The following FSIP1 variants were observed in gnomAD, a reference collection of about 807,000 sequenced individuals.
The protein encoded by FSIP1 is fibrous sheath interacting protein 1.
FSIP1 carries 65 observed loss-of-function variants against 60.9 expected under a neutral mutation model. The ratio of observed to expected loss-of-function variants is 1.07; its 90% CI spans 0.87 to 1.31. The LOEUF is 1.31. Ranked by LOEUF, FSIP1 falls within the 40% of genes most tolerant of loss-of-function variation. The pLI is 0.00. For missense variants in FSIP1, 675 were observed against 665.5 expected (o/e 1.01, Z -0.16); for synonymous variants, 209 against 221.2 (o/e 0.94, Z 0.49).
intron 11 of FSIP1, chr15:39,602,271 G>A (rs1233708301): frequency 8.8e-6 from 4 of 453,968 alleles, no homozygotes; most frequent in Middle Eastern, 3.4e-4. Flanking sequence ...CTGGAGTGAC[G>A]TGGCCACAAA....
chr15:39,604,640 C>G (rs933406513), intron 11 of FSIP1, among the ~76,000 whole-genome samples: 6 of 152,056 alleles, frequency 3.9e-5, no homozygotes, highest in Non-Finnish European at 7.4e-5. Context: ...GATATTTTGA[C>G]CAAATAAACT....
intron 10 of FSIP1, among the ~76,000 whole-genome samples, chr15:39,687,470 G>A (rs936490901): frequency 3.3e-5 from 5 of 152,132 alleles, no homozygotes; most frequent in Admixed American, 3.3e-4. Context: ...TTTCTAAACT[G>A]ACTGAGGCAA....
At chr15:39,721,270 C>A (rs935007248) in intron 9 of FSIP1, among the ~76,000 whole-genome samples, 10 of 152,196 alleles carry the variant, frequency 6.6e-5, no homozygotes, top group Non-Finnish European at 1.3e-4. Context: ...CTTATAGTTA[C>A]CATACAGAGA....
chr15:39,767,966 T>C lies in FSIP1; in HGVS notation c.311-2220A>G, dbSNP rs761694294. Reference sequence around the variant, plus strand: ...CTTGTCATAAGGCAGAGGGTCTCATTGAGCTGATTAACACAAGCCGCCAGC... The same window carrying C: ...CTTGTCATAAGGCAGAGGGTCTCATCGAGCTGATTAACACAAGCCGCCAGC... On this transcript the variant is annotated intron_variant, in intron 3 of 11. Coordinates refer to ENST00000350221, the MANE Select transcript of FSIP1 (RefSeq NM_152597.5). Among the ~76,000 whole-genome samples the C allele has an allele frequency of 9.2e-5, 14 of 152,290 alleles. No individual in the cohort carries two copies. The East Asian group carries it at 2.7e-3, about 29-fold the overall frequency.
chr15:39,768,206 G>A (rs2140714213), intron 3 of FSIP1, among the ~76,000 whole-genome samples: 1 of 152,292 alleles, frequency 6.6e-6, no homozygotes, highest in South Asian at 2.1e-4. Context: ...AGGGCGATAA[G>A]GGAAATCTCC....
At chr15:39,634,856 G>A (rs1892062870) in intron 10 of FSIP1, among the ~76,000 whole-genome samples, 1 of 152,072 alleles carries the variant, frequency 6.6e-6, no homozygotes, top group African/African-American at 2.4e-5. Flanking sequence ...TTACTCCCAG[G>A]ATCCTATGAG....
chr15:39,601,183 G>C (rs889978847), intron 11 of FSIP1, among the ~76,000 whole-genome samples: 1 of 152,190 alleles, frequency 6.6e-6, no homozygotes, highest in African/African-American at 2.4e-5. Flanking sequence ...AATGATTATG[G>C]ATGTGGAGAC....
chr15:39,765,219 C>A (rs1358700035), intron 4 of FSIP1, among the ~76,000 whole-genome samples: 2 of 150,108 alleles, frequency 1.3e-5, no homozygotes, highest in African/African-American at 4.9e-5. Context: ...GATTTTCTTA[C>A]TCATCTTAGA....
chr15:39,749,822 A>G lies in FSIP1; in HGVS notation c.560-7922T>C, dbSNP rs545917925. 1.1e-4 allele frequency among the ~76,000 whole-genome samples: 17 copies of G among 152,178 alleles called. No homozygotes were observed. In the South Asian group the frequency reaches 3.5e-3, roughly 32 times the overall value. On this transcript the variant is annotated intron_variant, in intron 5 of 11. Coordinates refer to ENST00000350221, the MANE Select transcript of FSIP1 (RefSeq NM_152597.5). ...GAAGGACCAGCAAGAGCAATCTGAC[A>G]AGGAAAAGAAATAATAGGCATCCAA...
intron 10 of FSIP1, among the ~76,000 whole-genome samples, chr15:39,684,581 G>A (rs1894290809): frequency 6.6e-6 from 1 of 152,188 alleles, no homozygotes; most frequent in Non-Finnish European, 1.5e-5. Flanking sequence ...AGAGAAAGCT[G>A]CTTTAAAAAT....
chr15:39,756,888 T>C (rs1034726804), intron 5 of FSIP1, among the ~76,000 whole-genome samples: 1 of 152,110 alleles, frequency 6.6e-6, no homozygotes, highest in African/African-American at 2.4e-5. Flanking sequence ...AATTTCCATG[T>C]TAGAACATCA....
chr15:39,748,770 A>T (rs1040778993), intron 5 of FSIP1, among the ~76,000 whole-genome samples: 1 of 152,188 alleles, frequency 6.6e-6, no homozygotes, highest in Admixed American at 6.5e-5. Context: ...TGCAAAAATA[A>T]CAAACTAAAC....
At chr15:39,617,078 A>C (rs541364412) in intron 11 of FSIP1, among the ~76,000 whole-genome samples, 1 of 152,264 alleles carries the variant, frequency 6.6e-6, no homozygotes, top group African/African-American at 2.4e-5. Context: ...GAATAGATTA[A>C]TAGATAGAAA....
At chr15:39,631,783 A>G (rs1008985380) in intron 10 of FSIP1, among the ~76,000 whole-genome samples, 2 of 152,224 alleles carry the variant, frequency 1.3e-5, no homozygotes, top group Non-Finnish European at 2.9e-5. Context: ...TCAAGTACAT[A>G]TATATTAATA....
rs546495079 is a variant in FSIP1 at position 39,665,686 on chromosome 15, T to G, written c.1189-47441A>C. On this transcript the variant is annotated intron_variant, in intron 10 of 11. Transcript: ENST00000350221. Reference sequence around the variant, plus strand: ...CCATAGATTTCAAGATTTTTATTATTATGGAAGTAGTTGATAATTTTGTCT... The same window carrying G: ...CCATAGATTTCAAGATTTTTATTATGATGGAAGTAGTTGATAATTTTGTCT... 1.1e-4 allele frequency among the ~76,000 whole-genome samples: 17 copies of G among 152,278 alleles called. No homozygotes were observed. The South Asian group carries it at 3.3e-3, about 30-fold the overall frequency.
chr15:39,632,735 G>C (rs1043333010), intron 10 of FSIP1, among the ~76,000 whole-genome samples: 3 of 152,120 alleles, frequency 2.0e-5, no homozygotes, highest in Non-Finnish European at 4.4e-5. Context: ...AGAGGTTGCA[G>C]TGAGCCGAGA....
intron 3 of FSIP1, among the ~76,000 whole-genome samples, chr15:39,769,243 C>CA: frequency 6.7e-6 from 1 of 149,330 alleles, no homozygotes; most frequent in Admixed American, 6.7e-5. Flanking sequence ...CGCGCCACTG[C>CA]ACTCCAGCCT....
At chr15:39,675,956 G>A (rs1443916631) in intron 10 of FSIP1, among the ~76,000 whole-genome samples, 1 of 151,488 alleles carries the variant, frequency 6.6e-6, no homozygotes, top group African/African-American at 2.4e-5. Flanking sequence ...CTGAGCTCAG[G>A]AGTTCGAGAC....
chr15:39,680,152 CA>C (rs918198973), intron 10 of FSIP1, among the ~76,000 whole-genome samples: 24 of 150,708 alleles, frequency 1.6e-4, no homozygotes, highest in Non-Finnish European at 2.7e-4. Context: ...GACTCTGTCT[CA>C]AAAAAAATAA....
Sources: gnomAD v4.1 joint callset for allele counts (sites outside exome capture counted in the v4.1 genomes callset) on GRCh38, gnomAD v4.1.1 for gene constraint, MANE v1.5 for transcripts, NCBI Gene and HGNC (gene_info 2026-07-23, HGNC 2026-07-21) for gene names.